Variants in ADAMTS12 observed in about 807,000 individuals in gnomAD.
ADAMTS12 encodes A disintegrin and metalloproteinase with thrombospondin motifs 12.
In ADAMTS12, 118 loss-of-function variants were observed where a neutral mutation model predicts 167.8. The observed-to-expected ratio is 0.70, with a 90% CI of 0.61 to 0.82. The LOEUF (loss-of-function observed/expected upper bound fraction) is 0.82, where lower values mean the gene tolerates loss of function less well. Ranked by LOEUF, ADAMTS12 falls within the 40% of genes least tolerant of loss-of-function variation. ADAMTS12 has a pLI of 0.00. For synonymous variants in ADAMTS12, 704 were observed against 716.9 expected (o/e 0.98, Z 0.29); for missense variants, 1,916 against 1,998.8 (o/e 0.96, Z 0.79).
intron 2 of ADAMTS12, among the ~76,000 whole-genome samples, chr5:33,799,434 G>A (rs1266313081): frequency 6.6e-6 from 1 of 152,154 alleles, no homozygotes; most frequent in African/African-American, 2.4e-5. Flanking sequence ...GTGTGCAAGA[G>A]TTGCTGGGCA....
intron 5 of ADAMTS12, among the ~76,000 whole-genome samples, chr5:33,667,866 A>G (rs2112230115): frequency 6.6e-6 from 1 of 152,208 alleles, no homozygotes; most frequent in Non-Finnish European, 1.5e-5. Flanking sequence ...GAAGCTCAAA[A>G]GCAACAGTTT....
intron 3 of ADAMTS12, among the ~76,000 whole-genome samples, chr5:33,744,819 A>AT (rs1195069064): frequency 2.0e-5 from 3 of 152,052 alleles, no homozygotes; most frequent in African/African-American, 7.2e-5. Flanking sequence ...TCTTTCTTTC[A>AT]TTTTTTTAAA....
intron 2 of ADAMTS12, among the ~76,000 whole-genome samples, chr5:33,870,665 T>A (rs1051841050): frequency 6.6e-6 from 1 of 152,154 alleles, no homozygotes; most frequent in Non-Finnish European, 1.5e-5. Flanking sequence ...CCTGTCCAAA[T>A]CCCATGGCAA....
intron 22 of ADAMTS12, among the ~76,000 whole-genome samples, chr5:33,542,718 A>G (rs1744766681): frequency 6.6e-6 from 1 of 152,192 alleles, no homozygotes; most frequent in African/African-American, 2.4e-5. Context: ...CTCACTCAAA[A>G]CCACACAACT....
At chr5:33,624,111 A>G in intron 14 of ADAMTS12, 120 bp downstream of exon 14, 1 of 1,454,786 alleles carries the variant, frequency 6.9e-7, no homozygotes, top group Non-Finnish European at 9.3e-7. Flanking sequence ...TCCATTTTGA[A>G]TACTTTGAAA....
chr5:33,815,622 A>T (rs1385431806), intron 2 of ADAMTS12, among the ~76,000 whole-genome samples: 2 of 152,212 alleles, frequency 1.3e-5, no homozygotes, highest in Admixed American at 6.5e-5. Context: ...TTAGAGGATT[A>T]TGGGGAACAG....
At chr5:33,537,246 T>C (rs1170964267) in intron 22 of ADAMTS12, among the ~76,000 whole-genome samples, 1 of 152,240 alleles carries the variant, frequency 6.6e-6, no homozygotes, top group African/African-American at 2.4e-5. Context: ...GGAATATTAC[T>C]GTAAAGAAGA....
intron 18 of ADAMTS12, among the ~76,000 whole-genome samples, chr5:33,584,004 A>G (rs1747207578): frequency 6.6e-6 from 1 of 152,226 alleles, no homozygotes; most frequent in Non-Finnish European, 1.5e-5. Flanking sequence ...AAGAGCTGTC[A>G]TATTGCTACA....
chr5:33,788,872 G>T (rs775016572), intron 2 of ADAMTS12, among the ~76,000 whole-genome samples: 2 of 152,088 alleles, frequency 1.3e-5, no homozygotes, highest in African/African-American at 2.4e-5. Context: ...ATCCTCTTTC[G>T]TTCAGATGCA....
intron 1 of ADAMTS12, among the ~76,000 whole-genome samples, chr5:33,890,554 G>A (rs1750803950): frequency 6.6e-6 from 1 of 152,222 alleles, no homozygotes; most frequent in African/African-American, 2.4e-5. Flanking sequence ...AACAAGGACA[G>A]GCTGGTGATG....
At chr5:33,697,431 G>A (rs746357526) in intron 3 of ADAMTS12, among the ~76,000 whole-genome samples, 1 of 152,224 alleles carries the variant, frequency 6.6e-6, no homozygotes, top group Non-Finnish European at 1.5e-5. Flanking sequence ...AAATTACAGA[G>A]ATGAGTAAAA....
intron 21 of ADAMTS12, among the ~76,000 whole-genome samples, chr5:33,547,953 C>T (rs1201733170): frequency 1.3e-5 from 2 of 152,122 alleles, no homozygotes; most frequent in Non-Finnish European, 2.9e-5. Flanking sequence ...ACTTCATGTA[C>T]TCAAGAACTA....
chr5:33,830,642 A>G (rs1315988294), intron 2 of ADAMTS12, among the ~76,000 whole-genome samples: 1 of 152,098 alleles, frequency 6.6e-6, no homozygotes, highest in Admixed American at 6.6e-5. Context: ...TTGAAAAAAA[A>G]TTAGCCAAGA....
chr5:33,807,475 G>C (rs917059003), intron 2 of ADAMTS12, among the ~76,000 whole-genome samples: 1 of 152,112 alleles, frequency 6.6e-6, no homozygotes, highest in African/African-American at 2.4e-5. Context: ...TAATGTTAGC[G>C]CCTATATCAT....
At chr5:33,761,006 A>G (rs1745337132) in intron 2 of ADAMTS12, among the ~76,000 whole-genome samples, 1 of 152,202 alleles carries the variant, frequency 6.6e-6, no homozygotes, top group African/African-American at 2.4e-5. Context: ...AAGGAAGAGG[A>G]AAAATTGCTA....
intron 3 of ADAMTS12, among the ~76,000 whole-genome samples, chr5:33,725,364 T>C (rs2112342769): frequency 6.6e-6 from 1 of 152,266 alleles, no homozygotes; most frequent in South Asian, 2.1e-4. Flanking sequence ...GGGAATGCAT[T>C]GGTGCAAGAG....
Position 33,716,570 on chromosome 5 carries a change from C to T in ADAMTS12, c.635-32515G>A, listed in dbSNP as rs1743623464. 2.0e-5 allele frequency among the ~76,000 whole-genome samples: 3 copies of T among 152,074 alleles called. No homozygotes were observed. The South Asian group carries it at 6.2e-4, about 32-fold the overall frequency. On this transcript the variant is annotated intron_variant, in intron 3 of 23. Transcript: ENST00000504830. ...TTTCTCCTGTCCTCCTATGAATCAGCCTTGTCATCCTGCTGTTTCTCTCAT... is the reference window on the plus strand; with the variant it reads ...TTTCTCCTGTCCTCCTATGAATCAGTCTTGTCATCCTGCTGTTTCTCTCAT...
chr5:33,587,999 G>A (rs185705805), intron 18 of ADAMTS12, among the ~76,000 whole-genome samples: 18 of 152,322 alleles, frequency 1.2e-4, no homozygotes. Context: ...TAAAGCCTGA[G>A]AGAGCTTTTC....
rs141794337 is a variant in ADAMTS12 at position 33,771,737 on chromosome 5, T to C, written c.490-20189A>G. Among the ~76,000 whole-genome samples, 232 of 152,138 alleles carry C rather than the reference T, an allele frequency of 1.5e-3. 1 individual carries two copies. Among genetic ancestry groups the C allele is most frequent in the African/African-American group, 5.2e-3 (216 of 41,558 alleles). On this transcript the variant is annotated intron_variant, in intron 2 of 23. Coordinates refer to ENST00000504830, the MANE Select transcript of ADAMTS12 (RefSeq NM_030955.4). Reference sequence around the variant, plus strand: ...TATATATTGTATATTGTATATAATATTAAATATTCACTGTCCTTAAAGTGA... The same window carrying C: ...TATATATTGTATATTGTATATAATACTAAATATTCACTGTCCTTAAAGTGA...
Sources: allele counts gnomAD v4.1 joint callset (sites outside exome capture counted in the v4.1 genomes callset), GRCh38; gene constraint gnomAD v4.1.1; transcripts MANE v1.5; gene names NCBI Gene and HGNC (gene_info 2026-07-23, HGNC 2026-07-21).